ARHGAP21: variants seen among roughly 807,000 people sequenced by gnomAD.
ARHGAP21 encodes the protein Rho GTPase activating protein 21.
In ARHGAP21, 38 loss-of-function variants were observed where a neutral mutation model predicts 164.6. The observed-to-expected ratio is 0.23, with a 90% CI of 0.18 to 0.30. ARHGAP21 has a LOEUF of 0.30. Among genes scored for constraint, ARHGAP21 ranks in the 10% least tolerant of loss-of-function variants. ARHGAP21 has a pLI of 1.00. For synonymous variants in ARHGAP21, 766 were observed against 857.9 expected (o/e 0.89, Z 1.87); for missense variants, 1,822 against 2,370.7 (o/e 0.77, Z 4.81).
At chr10:24,676,605 T>C (rs987171798) in intron 2 of ARHGAP21, among the ~76,000 whole-genome samples, 4 of 152,188 alleles carry the variant, frequency 2.6e-5, no homozygotes, top group Non-Finnish European at 5.9e-5. Context: ...GTGATGGTTA[T>C]GCTAAAAGCC....
intron 9 of ARHGAP21, among the ~76,000 whole-genome samples, chr10:24,610,372 CA>C (rs66658477): frequency 0.44 from 47,796 of 109,444 alleles, 7,766 homozygotes; most frequent in Middle Eastern, 0.48. Context: ...GACTCTGTCA[CA>C]AAAAAAAAAA....
chr10:24,634,907 A>G, intron 5 of ARHGAP21, 104 bp downstream of exon 5: 1 of 780,178 alleles, frequency 1.3e-6, no homozygotes, highest in South Asian at 2.6e-5. Context: ...AAAAGGAAGA[A>G]GCATACAGAA....
chr10:24,607,992 G>A (rs2077102774), intron 9 of ARHGAP21, 89 bp from the exon 10 acceptor site: 1 of 1,288,702 alleles, frequency 7.8e-7, no homozygotes, highest in South Asian at 1.7e-5. Flanking sequence ...AAGGGGGTCA[G>A]ATAAGGATTT....
At chr10:24,691,930 T>TACAA (rs1429006111) in intron 2 of ARHGAP21, among the ~76,000 whole-genome samples, 5 of 152,188 alleles carry the variant, frequency 3.3e-5, no homozygotes. Flanking sequence ...ATGAAGTGCA[T>TACAA]ACAATACTCA....
intron 9 of ARHGAP21, among the ~76,000 whole-genome samples, chr10:24,614,707 T>C (rs2077402085): frequency 7.1e-6 from 1 of 141,606 alleles, no homozygotes; most frequent in Non-Finnish European, 1.5e-5. Flanking sequence ...CGCTTGAACC[T>C]GGAAGGCAGA....
chr10:24,668,953 T>C (rs1840448738), intron 3 of ARHGAP21, among the ~76,000 whole-genome samples: 1 of 152,218 alleles, frequency 6.6e-6, no homozygotes. Context: ...AATCCTAATG[T>C]AATTATCAAG....
chr10:24,690,721 A>G (rs1299051408), intron 2 of ARHGAP21, among the ~76,000 whole-genome samples: 2 of 151,922 alleles, frequency 1.3e-5, no homozygotes, highest in Non-Finnish European at 2.9e-5. Context: ...CCAGCTACTC[A>G]GGACGCTGAG....
In ARHGAP21 at chr10:24,620,038, C is replaced by G. The variant is rs778655041; in HGVS notation, c.1857G>C (p.Val619=). The change falls in exon 9 of 26, where the codon GTG becomes GTC. Residue 619 remains valine (V), a synonymous_variant. Coordinates refer to ENST00000396432, the MANE Select transcript of ARHGAP21 (RefSeq NM_020824.4). ...CTTTCAGAGAATTACTTCGGACTTT[C>G]ACAAGAGGTGACCTGTCTTGTGAAA... The part of the protein sequence containing the change: ...RGISQDRSPL[V]KVRSNSLKAP... The G allele has an allele frequency of 1.2e-6, 2 of 1,613,970 alleles. No homozygotes were observed. The highest frequency in any genetic ancestry group is 1.7e-6 in the Non-Finnish European group (2 of 1,179,862).
intron 4 of ARHGAP21, among the ~76,000 whole-genome samples, chr10:24,660,306 C>T (rs922479899): frequency 7.9e-6 from 1 of 126,658 alleles, no homozygotes; most frequent in Non-Finnish European, 1.7e-5. Context: ...ATCACTTGAG[C>T]TCATGAATTT....
At chr10:24,716,745 A>G (rs1258291343) in intron 2 of ARHGAP21, among the ~76,000 whole-genome samples, 1 of 152,192 alleles carries the variant, frequency 6.6e-6, no homozygotes, top group Non-Finnish European at 1.5e-5. Context: ...GCAAGGACTG[A>G]AGTGGAGAAA....
chr10:24,611,528 G>A (rs1425947681), intron 9 of ARHGAP21, among the ~76,000 whole-genome samples: 6 of 151,826 alleles, frequency 4.0e-5, no homozygotes, highest in African/African-American at 7.3e-5. Context: ...ACATGGTGAA[G>A]CTCCATCTCT....
chr10:24,691,358 G>C lies in ARHGAP21; in HGVS notation c.64-20961C>G, dbSNP rs575565467. ...ACAGGGCTTAGACATGGAGCAATGA[G>C]GCTGTCATCCAACTTCTAATGTGGT... On this transcript the variant is annotated intron_variant, in intron 2 of 25. Transcript: ENST00000396432. 7.9e-5 allele frequency among the ~76,000 whole-genome samples: 12 copies of C among 152,304 alleles called. No individual in the cohort carries two copies. The South Asian group carries it at 2.5e-3, about 32-fold the overall frequency.
chr10:24,658,752 C>T (rs1274935387), intron 4 of ARHGAP21, among the ~76,000 whole-genome samples: 1 of 151,972 alleles, frequency 6.6e-6, no homozygotes, highest in Non-Finnish European at 1.5e-5. Context: ...GGGTGCAGCA[C>T]ACCAACATGG....
intron 9 of ARHGAP21, among the ~76,000 whole-genome samples, chr10:24,614,581 G>A (rs550739691): frequency 6.6e-6 from 1 of 151,636 alleles, no homozygotes; most frequent in East Asian, 2.0e-4. Flanking sequence ...TCAGGAGTTC[G>A]AGACCAGCTT....
intron 7 of ARHGAP21, among the ~76,000 whole-genome samples, chr10:24,626,641 C>T (rs1043028443): frequency 6.6e-6 from 1 of 152,178 alleles, no homozygotes; most frequent in African/African-American, 2.4e-5. Context: ...CCCAAATAGA[C>T]TAAGAGAGTC....
chr10:24,662,227 AACACTACATAAGTCAT>A (rs746984773), intron 4 of ARHGAP21, among the ~76,000 whole-genome samples: 2 of 152,226 alleles, frequency 1.3e-5, no homozygotes, highest in Non-Finnish European at 2.9e-5. Flanking sequence ...TCTAATTCTT[AACACTACATAAGTCAT>A]ACCCTTTTTT....
chr10:24,605,830 CAT>C (rs2077000973), intron 11 of ARHGAP21: 1 of 152,000 alleles, frequency 6.6e-6, no homozygotes, highest in African/African-American at 2.4e-5. Context: ...TCTGAAAAAA[CAT>C]AAAATAATAG....
chr10:24,635,088 C>G lies in ARHGAP21; in HGVS notation c.284G>C (p.Arg95Pro). 6.3e-7 allele frequency: 1 copy of G among 1,591,018 alleles called. No individual in the cohort carries two copies. Among genetic ancestry groups the G allele is most frequent in the Non-Finnish European group, 8.5e-7 (1 of 1,171,430 alleles). ...AAATATGGTATCCATTGGTTCCAAGCGGTTTCTTTGTTTTCCTGTTACAGA... is the reference window on the plus strand; with the variant it reads ...AAATATGGTATCCATTGGTTCCAAGGGGTTTCTTTGTTTTCCTGTTACAGA... ...NGNRGGKQRN[R>P]LEPMDTIFVK... Residue 95 changes from arginine (R) to proline (P), a missense_variant, in exon 5 of 26, where the codon CGC (arginine) becomes CCC (proline). Physicochemically the swap from Arg to Pro is moderately radical, Grantham distance 103. Around this residue, in one of 5 missense-constraint regions of ARHGAP21, gnomAD observed 1,090 missense variants for 1,378.9 expected, o/e 0.79. Transcript: ENST00000396432.
At chr10:24,650,141 T>C (rs1838010598) in intron 4 of ARHGAP21, among the ~76,000 whole-genome samples, 1 of 152,192 alleles carries the variant, frequency 6.6e-6, no homozygotes, top group South Asian at 2.1e-4. Flanking sequence ...CCAGCAAAAA[T>C]ACCTTCCAAA....
Sources: gnomAD v4.1 joint callset for allele counts (sites outside exome capture counted in the v4.1 genomes callset) on GRCh38, gnomAD v4.1.1 for gene constraint, gnomAD v4.1.1 regional missense constraint, MANE v1.5 for transcripts, NCBI Gene and HGNC (gene_info 2026-07-23, HGNC 2026-07-21) for gene names.